SHOX: variants seen among roughly 807,000 people sequenced by gnomAD.
SHOX encodes short stature homeobox protein.
SHOX carries 12 observed loss-of-function variants against 29.6 expected under a neutral mutation model. That is an observed-to-expected ratio of 0.41 (90% confidence interval 0.26 to 0.66). SHOX has a LOEUF of 0.66. SHOX is among the 30% of genes least tolerant of loss of function. SHOX has a pLI of 0.35. For synonymous variants in SHOX, 214 were observed against 200.6 expected, an observed-to-expected ratio of 1.07 and a Z score of -0.57; for missense variants, 499 against 437.7, an observed-to-expected ratio of 1.14 and a Z score of -1.25.
Position 644,429 on chromosome X carries a change from G to T in SHOX, c.672G>T (p.Ala224=). ...AQLQLEGVAH[A]HPHLHPHLAA... ...TGCAGCTGGAAGGCGTGGCCCACGCGCACCCGCACCTGCACCCGCACCTGG... is the reference window on the plus strand; with the variant it reads ...TGCAGCTGGAAGGCGTGGCCCACGCTCACCCGCACCTGCACCCGCACCTGG... The change falls in exon 5 of 5, where the codon GCG becomes GCT. Residue 224 remains alanine (A), a synonymous_variant. Coordinates refer to ENST00000686671, the MANE Select transcript of SHOX (RefSeq NM_000451.4). 6.6e-7 allele frequency: 1 copy of T among 1,520,312 alleles called. No homozygotes were observed. Among genetic ancestry groups the T allele is most frequent in the Non-Finnish European group, 8.8e-7 (1 of 1,141,574 alleles). 94.2% of individuals were successfully genotyped at this position (1,520,312 alleles called of 1,614,324 possible). A position where few individuals can be genotyped will look rare whatever the true frequency, so the allele number is the denominator to read the frequency against.
At position 645,660 on chromosome X, in the gene SHOX, A is replaced by G. The variant is rs953074742; in HGVS notation, c.*1024A>G. ...GCCTGGCCACTGAGGGCCCTTTGCA[A>G]AAATCACGGGTGTAGAGATGGCCCT... On this transcript the variant is annotated 3_prime_UTR_variant, in exon 5 of 5. Coordinates refer to ENST00000686671, the MANE Select transcript of SHOX (RefSeq NM_000451.4). The G allele has an allele frequency of 1.3e-5, 2 of 152,078 alleles. No homozygotes were observed. The highest frequency in any genetic ancestry group is 2.9e-5 in the Non-Finnish European group (2 of 68,026). 9.4% of individuals were successfully genotyped at this position (152,078 alleles called of 1,614,324 possible). A position where few individuals can be genotyped will look rare whatever the true frequency, so the allele number is the denominator to read the frequency against.
In SHOX at chrX:638,109, C is replaced by T. The variant is rs188427829; in HGVS notation, c.487-2712C>T. On this transcript the variant is annotated intron_variant, in intron 2 of 4. Transcript: ENST00000686671. ...CATTTGGGAAAGAAAGCGGGGAGTG[C>T]TCTTTAATGAAGAAATAACTGTCTT... Among the ~76,000 whole-genome samples, 38 of 152,222 alleles carry T rather than the reference C, an allele frequency of 2.5e-4. No individual in the cohort carries two copies. The East Asian group carries it at 6.8e-3, about 27-fold the overall frequency.
At chrX:641,797 A>C (rs924987036) in intron 4 of SHOX, among the ~76,000 whole-genome samples, 13 of 152,134 alleles carry the variant, frequency 8.5e-5, no homozygotes, top group Non-Finnish European at 1.5e-4. Context: ...AAGTCCACAC[A>C]GTCAGGCACC....
downstream of SHOX, among the ~76,000 whole-genome samples, chrX:654,834 G>A (rs770307578): frequency 8.6e-5 from 13 of 150,396 alleles, no homozygotes; most frequent in South Asian, 8.4e-4. Flanking sequence ...ACAGGTGCCC[G>A]CCACCACACC....
At chrX:635,229 A>C (rs927770434) in intron 2 of SHOX, among the ~76,000 whole-genome samples, 1 of 151,972 alleles carries the variant, frequency 6.6e-6, no homozygotes, top group Non-Finnish European at 1.5e-5. Context: ...TGCAAACAAA[A>C]CTTTCCCTGG....
At chrX:652,253 G>A (rs1489411821), downstream of SHOX, among the ~76,000 whole-genome samples, 1 of 151,524 alleles carries the variant, frequency 6.6e-6, no homozygotes, top group Non-Finnish European at 1.5e-5. Context: ...TTTCCAGCAC[G>A]GTCTTGCAAG....
rs1232934438 is a variant in SHOX at position 648,882 on chromosome X, C to CTCCCT, written c.*4249_*4253dup. ...TCTCACCACCAACGCCCTCTTCTCT[C>CTCCCT]TCCCTTCTCCTTCCTTCCTTCCTTC... On this transcript the variant is annotated 3_prime_UTR_variant, in exon 5 of 5. Transcript: ENST00000686671. 6.4e-3 allele frequency among the ~76,000 whole-genome samples: 815 copies of CTCCCT among 127,848 alleles called. 5 individuals are homozygous for CTCCCT. The highest frequency in any genetic ancestry group is 8.9e-3 in the Admixed American group (110 of 12,428). 83.9% of individuals were successfully genotyped at this position (127,848 alleles called of 152,430 possible).
At position 631,160 on chromosome X, in the gene SHOX, C is replaced by T. The variant is rs2052641370; in HGVS notation, c.263C>T (p.Ala88Val). 6.2e-7 allele frequency: 1 copy of T among 1,612,844 alleles called. No individual in the cohort carries two copies. Among genetic ancestry groups the T allele is most frequent in the Non-Finnish European group, 8.5e-7 (1 of 1,179,722 alleles). ...DKEKLKEFGT[A>V]RVAEGIYECK... ...GAGAAACTGAAAGAATTCGGCACCG[C>T]GAGAGTGGCAGAAGGTAAGTTCCTT... Residue 88 changes from alanine to valine, a missense_variant, in exon 1 of 5, where the codon GCG (alanine) becomes GTG (valine). Physicochemically the swap from Ala to Val is moderately conservative, Grantham distance 64 (BLOSUM62 0). Coordinates refer to ENST00000686671, the MANE Select transcript of SHOX (RefSeq NM_000451.4).
intron 4 of SHOX, among the ~76,000 whole-genome samples, chrX:641,887 CT>C (rs943574063): frequency 2.6e-5 from 4 of 152,152 alleles, no homozygotes; most frequent in African/African-American, 9.6e-5. Context: ...CACCCATTCC[CT>C]TTTCATCACC....
chrX:630,332 G>T (rs1312507983), upstream of SHOX: 1 of 154,232 alleles, frequency 6.5e-6, no homozygotes, highest in Admixed American at 6.3e-5. Context: ...TCTCAACCCC[G>T]GCGCGACCCG....
chrX:631,175 G>GT lies in SHOX; in HGVS notation c.277+2dup. On this transcript the variant is annotated splice_donor_variant, in intron 1 of 4. Coordinates refer to ENST00000686671, the MANE Select transcript of SHOX (RefSeq NM_000451.4). LOFTEE classifies it high-confidence loss of function. ...TTCGGCACCGCGAGAGTGGCAGAAG[G>GT]TAAGTTCCTTTGCGCTCCGGCTCCA... is the stretch of plus-strand genomic sequence containing the variant. 1 of 1,612,598 alleles carries GT rather than the reference G, an allele frequency of 6.2e-7. No homozygotes were observed. The highest frequency in any genetic ancestry group is 8.5e-7 in the Non-Finnish European group (1 of 1,179,678).
At position 646,839 on chromosome X, in the gene SHOX, AT is replaced by A. The variant is rs1294361364; in HGVS notation, c.*2208del. The A allele has an allele frequency of 2.6e-5, 4 of 152,122 alleles. No individual in the cohort carries two copies. The highest frequency in any genetic ancestry group is 2.9e-5 in the Non-Finnish European group (2 of 68,026). 9.4% of individuals were successfully genotyped at this position (152,122 alleles called of 1,614,324 possible). ...GAGAGGCTTTAATAGTTAAGCTGAA[AT>A]TTTTATCGAAAAGAAGAATTGCATT... On this transcript the variant is annotated 3_prime_UTR_variant, in exon 5 of 5. Coordinates refer to ENST00000686671, the MANE Select transcript of SHOX (RefSeq NM_000451.4).
At chrX:629,631 C>T (rs778888008), upstream of SHOX, among the ~76,000 whole-genome samples, 422 of 152,188 alleles carry the variant, frequency 2.8e-3, 1 homozygote, top group African/African-American at 9.9e-3. Flanking sequence ...CACTCATGTC[C>T]CCCCACTGCT....
At chrX:637,022 C>G (rs893618010) in intron 2 of SHOX, among the ~76,000 whole-genome samples, 5 of 150,250 alleles carry the variant, frequency 3.3e-5, no homozygotes, top group African/African-American at 1.2e-4. Flanking sequence ...TTTTAAAAGG[C>G]TTCCCTAAGA....
rs1161412116 is a variant in SHOX, at chrX:644,616, G to A, written c.859G>A (p.Ala287Thr). The A allele has an allele frequency of 6.6e-7, 1 of 1,506,768 alleles. No individual in the cohort carries two copies. Among genetic ancestry groups the A allele is most frequent in the Non-Finnish European group, 8.8e-7 (1 of 1,134,826 alleles). 93.3% of individuals were successfully genotyped at this position (1,506,768 alleles called of 1,614,324 possible). ...CCTGCGGCTCAAGGCGCGGAAGCAC[G>A]CGGAGGCCCTGGGGCTCTGACCCGC... ...ADLRLKARKH[A>T]EALGL Residue 287 changes from alanine to threonine, a missense_variant, in exon 5 of 5, where the codon GCG (alanine) becomes ACG (threonine). By Grantham distance (58) the Ala-to-Thr change is moderately conservative (BLOSUM62 0). Transcript: ENST00000686671.
intron 5 of SHOX, among the ~76,000 whole-genome samples, chrX:658,161 G>T (rs2053173353): frequency 6.6e-6 from 1 of 152,000 alleles, no homozygotes; most frequent in African/African-American, 2.4e-5. Context: ...TTTCAGTAGA[G>T]ATGAGGTTTT....
intron 2 of SHOX, 56 bp downstream of exon 2, chrX:634,882 G>C (rs1462247578): frequency 6.6e-7 from 1 of 1,525,342 alleles, no homozygotes; most frequent in Non-Finnish European, 8.8e-7. Context: ...GTCCTCGGGA[G>C]CGCACAGCAC....
intron 1 of SHOX, among the ~76,000 whole-genome samples, chrX:625,600 CCT>C (rs1346704642): frequency 4.7e-5 from 7 of 149,624 alleles, no homozygotes; most frequent in East Asian, 2.0e-4. Flanking sequence ...TTCTCTCTCT[CCT>C]CTCTCTCTTT....
At chrX:654,510 TA>T (rs757445289), downstream of SHOX, among the ~76,000 whole-genome samples, 459 of 152,210 alleles carry the variant, frequency 3.0e-3, 28 homozygotes, top group South Asian at 0.09. Context: ...AAAAAGGCTA[TA>T]AAAAATTGAA....
Sources: allele counts gnomAD v4.1 joint callset (sites outside exome capture counted in the v4.1 genomes callset), GRCh38; gene constraint gnomAD v4.1.1; transcripts MANE v1.5; gene names NCBI Gene and HGNC (gene_info 2026-07-23, HGNC 2026-07-21).